SEMA5B: variants seen among roughly 807,000 people sequenced by gnomAD.
The protein encoded by SEMA5B is semaphorin 5B.
Under a neutral mutation model 135.0 loss-of-function variants are expected in SEMA5B, and 66 were observed. That is an observed-to-expected ratio of 0.49 (90% CI 0.40 to 0.60). The LOEUF (loss-of-function observed/expected upper bound fraction) is 0.60. SEMA5B is among the 20% of genes least tolerant of loss of function. The pLI is 0.00. For missense variants in SEMA5B, 1,501 were observed against 1,566.3 expected, an observed-to-expected ratio of 0.96 and a Z score of 0.70; for synonymous variants, 690 against 639.5, an observed-to-expected ratio of 1.08 and a Z score of -1.19.
chr3:122,980,711 G>T (rs1447991281), intron 1 of SEMA5B, among the ~76,000 whole-genome samples: 1 of 152,174 alleles, frequency 6.6e-6, no homozygotes, highest in Non-Finnish European at 1.5e-5. Flanking sequence ...GTCCAGTTCA[G>T]GGTAATTAAG....
At chr3:122,986,487 T>A (rs565690280) in intron 1 of SEMA5B, among the ~76,000 whole-genome samples, 1 of 152,326 alleles carries the variant, frequency 6.6e-6, no homozygotes, top group East Asian at 1.9e-4. Flanking sequence ...CTTTTCCCTG[T>A]GCATCCAAAG....
At chr3:122,916,009 T>TA (rs1938059873) in intron 12 of SEMA5B, 119 bp from the exon 13 acceptor site, 1 of 741,234 alleles carries the variant, frequency 1.3e-6, no homozygotes, top group African/African-American at 1.7e-5. Context: ...TCCTCCATGA[T>TA]AATAATGAAG....
chr3:122,918,090 T>G (rs912975592), intron 12 of SEMA5B, among the ~76,000 whole-genome samples: 1 of 152,114 alleles, frequency 6.6e-6, no homozygotes, highest in Non-Finnish European at 1.5e-5. Flanking sequence ...GCATTATAAG[T>G]GACACAAATT....
At chr3:122,924,955 T>C (rs182609251) in intron 9 of SEMA5B, among the ~76,000 whole-genome samples, 23 of 152,344 alleles carry the variant, frequency 1.5e-4, no homozygotes, top group Admixed American at 3.9e-4. Context: ...GGCTGAACCA[T>C]GTCTGCTTTT....
At chr3:123,022,423 C>T (rs1275161547) in intron 1 of SEMA5B, among the ~76,000 whole-genome samples, 3 of 152,242 alleles carry the variant, frequency 2.0e-5, no homozygotes, top group Non-Finnish European at 4.4e-5. Flanking sequence ...AAACGCAGAA[C>T]AATGAGGACA....
chr3:122,914,095 G>T, intron 14 of SEMA5B, 94 bp from the exon 15 acceptor site: 1 of 1,348,682 alleles, frequency 7.4e-7, no homozygotes, highest in Non-Finnish European at 9.9e-7. Flanking sequence ...TTCTACTGCT[G>T]TCAGAAAGGG....
At chr3:122,985,564 A>T (rs1941672497) in intron 1 of SEMA5B, among the ~76,000 whole-genome samples, 1 of 152,166 alleles carries the variant, frequency 6.6e-6, no homozygotes, top group South Asian at 2.1e-4. Flanking sequence ...AGCTTCTGTG[A>T]AAGTACTGGA....
rs1247371180 is a variant in SEMA5B at position 122,934,641 on chromosome 3, AT to A, written c.474+4783del. Among the ~76,000 whole-genome samples, 5 of 152,346 alleles carry A rather than the reference AT, an allele frequency of 3.3e-5. No individual in the cohort carries two copies. The East Asian group carries it at 9.6e-4, about 29-fold the overall frequency. ...TTCAAATAACCAAAATTATTTTAAA[AT>A]TTTATAAGACAAGTAGGGAAATGTA... On this transcript the variant is annotated intron_variant, in intron 5 of 22. Coordinates refer to ENST00000357599, the MANE Select transcript of SEMA5B (RefSeq NM_001031702.4).
At chr3:122,967,644 C>T (rs1384390470) in intron 1 of SEMA5B, among the ~76,000 whole-genome samples, 1 of 152,210 alleles carries the variant, frequency 6.6e-6, no homozygotes, top group African/African-American at 2.4e-5. Context: ...GCCATTCATG[C>T]TCCAGGGCTC....
intron 1 of SEMA5B, among the ~76,000 whole-genome samples, chr3:122,970,484 GCACTTTGGGAACCA>G (rs1941061355): frequency 6.6e-6 from 1 of 152,152 alleles, no homozygotes; most frequent in Admixed American, 6.5e-5. Flanking sequence ...TCTAGGGACC[GCACTTTGGGAACCA>G]CTGCTATAGC....
At chr3:122,948,435 G>T in intron 3 of SEMA5B, 71 bp downstream of exon 3, 1 of 1,355,426 alleles carries the variant, frequency 7.4e-7, no homozygotes, top group Non-Finnish European at 1.0e-6. Context: ...GAAACATCCT[G>T]CCAAGGTCTG....
At chr3:122,962,534 G>A (rs552951771) in intron 1 of SEMA5B, among the ~76,000 whole-genome samples, 5 of 152,212 alleles carry the variant, frequency 3.3e-5, no homozygotes, top group Non-Finnish European at 5.9e-5. Context: ...ACTTCCAGGT[G>A]AACTGCACTA....
At chr3:122,981,990 A>G (rs995647882) in intron 1 of SEMA5B, among the ~76,000 whole-genome samples, 3 of 152,176 alleles carry the variant, frequency 2.0e-5, no homozygotes, top group African/African-American at 7.2e-5. Flanking sequence ...TCAGGGCTGG[A>G]GTGACAGGAG....
chr3:123,012,948 A>G (rs1576409346), intron 1 of SEMA5B, among the ~76,000 whole-genome samples: 1 of 152,240 alleles, frequency 6.6e-6, no homozygotes, highest in Non-Finnish European at 1.5e-5. Context: ...AGGTGTCCTT[A>G]GAGACAGACA....
chr3:122,989,253 G>A (rs1365930007), intron 1 of SEMA5B, among the ~76,000 whole-genome samples: 1 of 152,232 alleles, frequency 6.6e-6, no homozygotes, highest in Non-Finnish European at 1.5e-5. Flanking sequence ...GAGGCTCAGA[G>A]CCCCTGCAGA....
chr3:122,979,567 A>G (rs1470397), intron 1 of SEMA5B, among the ~76,000 whole-genome samples: 30,899 of 152,206 alleles, frequency 0.2, 4,119 homozygotes, highest in African/African-American at 0.38. Context: ...GATGAAATCC[A>G]CATGTTACCC....
Position 122,926,480 on chromosome 3 carries a change from C to T in SEMA5B, c.1048G>A (p.Gly350Ser), listed in dbSNP as rs774780742. ...MKARLNCSRP[G>S]EVPFYYNELQ... ...TCGTTATAGTAGAAGGGGACCTCGC[C>T]CGGGCGGGAGCAGTTGAGCCGGGCC... Residue 350 changes from glycine to serine, a missense_variant, in exon 9 of 23, where the codon GGC (glycine) becomes AGC (serine). This residue lies in a region of SEMA5B where 574 missense variants were observed against 684.7 expected (regional missense o/e 0.84). Transcript: ENST00000357599. 1 of 1,614,228 alleles carries T rather than the reference C, an allele frequency of 6.2e-7. No homozygotes were observed. The highest frequency in any genetic ancestry group is 8.5e-7 in the Non-Finnish European group (1 of 1,180,048).
At chr3:123,026,622 G>A (rs538211359) in intron 1 of SEMA5B, among the ~76,000 whole-genome samples, 2 of 152,250 alleles carry the variant, frequency 1.3e-5, no homozygotes, top group East Asian at 1.9e-4. Flanking sequence ...CCCCGCGCGG[G>A]TCCCCGATCC....
intron 1 of SEMA5B, among the ~76,000 whole-genome samples, chr3:123,025,576 G>C (rs1331348869): frequency 6.6e-6 from 1 of 152,216 alleles, no homozygotes; most frequent in Non-Finnish European, 1.5e-5. Context: ...GGCACTGGCT[G>C]CTTGGAAAAA....
Sources: gnomAD v4.1 joint callset for allele counts (sites outside exome capture counted in the v4.1 genomes callset) on GRCh38, gnomAD v4.1.1 for gene constraint, gnomAD v4.1.1 regional missense constraint, MANE v1.5 for transcripts, NCBI Gene and HGNC (gene_info 2026-07-23, HGNC 2026-07-21) for gene names.